Variants in RHOBTB3 observed in about 807,000 individuals in gnomAD.
RHOBTB3 encodes the protein Rho related BTB domain containing 3.
In RHOBTB3, 47 loss-of-function variants were observed where a neutral mutation model predicts 67.2. That is an observed-to-expected ratio of 0.70 (90% confidence interval 0.55 to 0.89). The LOEUF (loss-of-function observed/expected upper bound fraction) is 0.89, where lower values mean the gene tolerates loss of function less well. Among genes scored for constraint, RHOBTB3 ranks in the 40% least tolerant of loss-of-function variants. The pLI is 0.00. For synonymous variants in RHOBTB3, 273 were observed against 274.2 expected (o/e 1.00, Z 0.04); for missense variants, 631 against 750.0 (o/e 0.84, Z 1.85).
At chr5:95,749,017 G>A (rs1056884309) in intron 4 of RHOBTB3, among the ~76,000 whole-genome samples, 1 of 152,166 alleles carries the variant, frequency 6.6e-6, no homozygotes, top group Non-Finnish European at 1.5e-5. Flanking sequence ...TTGCTTGCTT[G>A]GTTGCCGTGG....
At chr5:95,758,955 C>T (rs936065548) in intron 6 of RHOBTB3, among the ~76,000 whole-genome samples, 1 of 152,182 alleles carries the variant, frequency 6.6e-6, no homozygotes, top group African/African-American at 2.4e-5. Flanking sequence ...AAGTTAACAG[C>T]TTAGGATTCA....
At chr5:95,781,040 A>G (rs1014440741) in intron 9 of RHOBTB3, among the ~76,000 whole-genome samples, 9 of 152,196 alleles carry the variant, frequency 5.9e-5, no homozygotes, top group African/African-American at 2.2e-4. Flanking sequence ...ACCAAGGACT[A>G]TCTTTGACCA....
In RHOBTB3 at chr5:95,773,533, AGTGT is replaced by A. The variant is rs1402735437; in HGVS notation, c.1282+5370_1282+5373del. Reference sequence around the variant, plus strand: ...CCAGCCTTGGCTTTGCGTCTTGACCAGTGTGTCTGTGGGCAAGTCACCTGACATT... The same window carrying A: ...CCAGCCTTGGCTTTGCGTCTTGACCAGTCTGTGGGCAAGTCACCTGACATT... On this transcript the variant is annotated intron_variant, in intron 8 of 11. Transcript: ENST00000379982. 3.9e-5 allele frequency among the ~76,000 whole-genome samples: 6 copies of A among 152,322 alleles called. No individual in the cohort carries two copies. The East Asian group carries it at 9.6e-4, about 24-fold the overall frequency.
chr5:95,739,294 C>CT (rs1755537950), intron 3 of RHOBTB3, among the ~76,000 whole-genome samples: 1 of 152,194 alleles, frequency 6.6e-6, no homozygotes, highest in Non-Finnish European at 1.5e-5. Context: ...AAACTCATTA[C>CT]TTTCTCTTCA....
chr5:95,750,701 A>G (rs750868526), intron 4 of RHOBTB3, among the ~76,000 whole-genome samples: 4 of 152,162 alleles, frequency 2.6e-5, no homozygotes, highest in Non-Finnish European at 5.9e-5. Flanking sequence ...ATGGTGGACC[A>G]CATTGCTGGT....
chr5:95,772,241 G>A (rs1005524034), intron 8 of RHOBTB3, among the ~76,000 whole-genome samples: 1 of 152,198 alleles, frequency 6.6e-6, no homozygotes, highest in African/African-American at 2.4e-5. Flanking sequence ...ACATATGAGA[G>A]TAGTGTCTAG....
chr5:95,722,651 G>C (rs559472826), intron 1 of RHOBTB3, among the ~76,000 whole-genome samples: 3 of 152,228 alleles, frequency 2.0e-5, no homozygotes, highest in South Asian at 4.1e-4. Context: ...CACCATGCCC[G>C]GCTAATTTTT....
At chr5:95,781,109 T>C (rs1746034141) in intron 9 of RHOBTB3, among the ~76,000 whole-genome samples, 1 of 152,222 alleles carries the variant, frequency 6.6e-6, no homozygotes, top group Non-Finnish European at 1.5e-5. Flanking sequence ...TTCTTCTAGC[T>C]GGAGGCACTT....
intron 7 of RHOBTB3, among the ~76,000 whole-genome samples, chr5:95,767,482 C>A (rs1335993302): frequency 6.6e-6 from 1 of 151,988 alleles, no homozygotes; most frequent in Non-Finnish European, 1.5e-5. Flanking sequence ...GTATTACAGG[C>A]ACATGCCACC....
At chr5:95,731,333 G>GGCAGCA (rs1755235840), upstream of RHOBTB3, 1 of 1,097,088 alleles carries the variant, frequency 9.1e-7, no homozygotes. Context: ...CAGCGGCAGC[G>GGCAGCA]GCAGCAGGAG....
chr5:95,759,442 T>G (rs1745337560), intron 6 of RHOBTB3, among the ~76,000 whole-genome samples: 1 of 152,252 alleles, frequency 6.6e-6, no homozygotes, highest in Non-Finnish European at 1.5e-5. Context: ...ATATCAAAGC[T>G]GTATTTGCAC....
intron 1 of RHOBTB3, among the ~76,000 whole-genome samples, chr5:95,718,769 C>T (rs970629824): frequency 2.0e-5 from 3 of 152,124 alleles, no homozygotes; most frequent in Non-Finnish European, 2.9e-5. Flanking sequence ...TGAGAACAGA[C>T]AAGAGATGCA....
chr5:95,732,493 A>T, intron 2 of RHOBTB3: 1 of 307,696 alleles, frequency 3.2e-6, no homozygotes, highest in Non-Finnish European at 6.0e-6. Flanking sequence ...TCAAAGCTCA[A>T]CACAGGCAAA....
chr5:95,780,454 C>A, intron 9 of RHOBTB3, 29 bp downstream of exon 9: 2 of 1,592,012 alleles, frequency 1.3e-6, no homozygotes, highest in South Asian at 1.1e-5. Context: ...GATAGTATCT[C>A]AGAATTCTTT....
At position 95,794,274 on chromosome 5, in the gene RHOBTB3, A is replaced by C; in HGVS notation, c.*1100A>C. 4.1e-6 allele frequency: 1 copy of C among 246,124 alleles called. No homozygotes were observed. Among genetic ancestry groups the C allele is most frequent in the South Asian group, 4.6e-5 (1 of 21,898 alleles). The allele number at this position is 246,124 out of a possible 1,614,324, so 15.2% of individuals were successfully genotyped here. A position where few individuals can be genotyped will look rare whatever the true frequency, so the allele number is the denominator to read the frequency against. ...AGAGTGACTAACCAGCCTAACTTTA[A>C]TACACATGTATAAAGATGTTCACAG... On this transcript the variant is annotated 3_prime_UTR_variant, in exon 12 of 12. Transcript: ENST00000379982.
chr5:95,729,684 T>A (rs1366619561), upstream of RHOBTB3, among the ~76,000 whole-genome samples: 10 of 152,162 alleles, frequency 6.6e-5, no homozygotes, highest in Non-Finnish European at 8.8e-5. Flanking sequence ...CCTTTTCCCC[T>A]CTCCCCAGCC....
intron 10 of RHOBTB3, 89 bp downstream of exon 10, chr5:95,784,052 C>G: frequency 9.6e-7 from 1 of 1,045,448 alleles, no homozygotes; most frequent in Non-Finnish European, 1.3e-6. Context: ...TTTTAACATA[C>G]GTTAATACTA....
rs184346419 is a variant in RHOBTB3 at position 95,795,145 on chromosome 5, A to G, written c.*1971A>G. ...CAAAGTGAAACACTAAAAATTCCCT[A>G]TAGATATATTCCAGGAAATATTTTA... On this transcript the variant is annotated 3_prime_UTR_variant, in exon 12 of 12. Coordinates refer to ENST00000379982, the MANE Select transcript of RHOBTB3 (RefSeq NM_014899.4). 6.6e-6 allele frequency: 1 copy of G among 151,374 alleles called. No individual in the cohort carries two copies. Among genetic ancestry groups the G allele is most frequent in the Admixed American group, 6.6e-5 (1 of 15,214 alleles). The allele number at this position is 151,374 out of a possible 1,614,324, so 9.4% of individuals were successfully genotyped here. A position where few individuals can be genotyped will look rare whatever the true frequency, so the allele number is the denominator to read the frequency against.
At chr5:95,763,802 TTGTGTGTGTGTG>T (rs60736311) in intron 7 of RHOBTB3, among the ~76,000 whole-genome samples, 182 bp downstream of exon 7, 2 of 148,964 alleles carry the variant, frequency 1.3e-5, no homozygotes, top group East Asian at 2.0e-4. Context: ...GTATCTTAGA[TTGTGTGTGTGTG>T]TGTGTGTGTG....
Sources: allele counts gnomAD v4.1 joint callset (sites outside exome capture counted in the v4.1 genomes callset), GRCh38; gene constraint gnomAD v4.1.1; transcripts MANE v1.5; gene names NCBI Gene and HGNC (gene_info 2026-07-23, HGNC 2026-07-21).